Variants in C2CD5 observed in about 807,000 individuals in gnomAD.
C2CD5 encodes the protein C2 calcium dependent domain containing 5.
Under a neutral mutation model 130.3 loss-of-function variants are expected in C2CD5, and 109 were observed. The observed-to-expected ratio is 0.84, with a 90% CI of 0.72 to 0.98. C2CD5 has a LOEUF of 0.98. Among genes scored for constraint, C2CD5 ranks in the 50% least tolerant of loss-of-function variants. The pLI is 0.00. For synonymous variants in C2CD5, 454 were observed against 429.2 expected, an observed-to-expected ratio of 1.06 and a Z score of -0.71; for missense variants, 996 against 1,261.8, an observed-to-expected ratio of 0.79 and a Z score of 3.19.
At chr12:22,543,705 C>A (rs1000572812) in intron 2 of C2CD5, among the ~76,000 whole-genome samples, 1 of 142,064 alleles carries the variant, frequency 7.0e-6, no homozygotes, top group African/African-American at 3.0e-5. Context: ...GTCATTCCGG[C>A]ATTTGTGTGT....
intron 25 of C2CD5, among the ~76,000 whole-genome samples, chr12:22,454,469 C>G (rs1452399403): frequency 6.6e-6 from 1 of 152,086 alleles, no homozygotes; most frequent in Non-Finnish European, 1.5e-5. Context: ...TGAACCTGAA[C>G]CATGTTCCAA....
intron 26 of C2CD5, 135 bp downstream of exon 26, chr12:22,453,761 C>T (rs1939211279): frequency 1.4e-6 from 1 of 715,422 alleles, no homozygotes; most frequent in Admixed American, 2.5e-5. Context: ...TATGAATAAA[C>T]TCATTAAAAT....
Position 22,449,906 on chromosome 12 carries a change from A to C in C2CD5, c.3025-15T>G, listed in dbSNP as rs987902116. The C allele has an allele frequency of 6.3e-7, 1 of 1,598,520 alleles. No homozygotes were observed. ...AGACACTGTGCCTATAAGAACAACA[A>C]ACAGGACAGGTTCAGTTATACTCAA... On this transcript the variant is annotated splice_polypyrimidine_tract_variant and intron_variant, in intron 26 of 26. Transcript: ENST00000446597.
intron 10 of C2CD5, among the ~76,000 whole-genome samples, chr12:22,497,194 C>T (rs67678068): frequency 0.16 from 24,467 of 151,916 alleles, 4,038 homozygotes; most frequent in African/African-American, 0.42. Flanking sequence ...TCTTTTAATA[C>T]GGTTAGAAGA....
intron 22 of C2CD5, among the ~76,000 whole-genome samples, chr12:22,468,940 C>A (rs1038674983): frequency 7.9e-5 from 12 of 151,976 alleles, no homozygotes; most frequent in African/African-American, 2.9e-4. Flanking sequence ...AGTTGAATAG[C>A]TCATTTCAAA....
chr12:22,496,750 G>T (rs1947071731), intron 10 of C2CD5, among the ~76,000 whole-genome samples: 1 of 150,370 alleles, frequency 6.7e-6, no homozygotes. Context: ...TTCTTCTGTG[G>T]GTCAAAACTC....
intron 22 of C2CD5, among the ~76,000 whole-genome samples, chr12:22,462,557 G>A (rs1210729659): frequency 6.6e-6 from 1 of 152,148 alleles, no homozygotes. Flanking sequence ...GTGTGGGAGG[G>A]AAACTAACCC....
chr12:22,467,826 C>T (rs2136130508), intron 22 of C2CD5, among the ~76,000 whole-genome samples: 1 of 152,254 alleles, frequency 6.6e-6, no homozygotes, highest in Non-Finnish European at 1.5e-5. Context: ...CATTTGGATA[C>T]CGTATAGTAA....
chr12:22,493,893 A>C (rs1217057309), intron 10 of C2CD5, among the ~76,000 whole-genome samples: 1 of 151,878 alleles, frequency 6.6e-6, no homozygotes, highest in Non-Finnish European at 1.5e-5. Flanking sequence ...ATTAGAGACT[A>C]ATTTAAAAAA....
intron 25 of C2CD5, among the ~76,000 whole-genome samples, chr12:22,456,223 T>C (rs1162708528): frequency 2.0e-5 from 3 of 152,140 alleles, no homozygotes; most frequent in Admixed American, 6.5e-5. Context: ...TTTTTAAAAA[T>C]ACAAACTGCA....
chr12:22,517,501 A>C (rs1398145921), intron 8 of C2CD5, among the ~76,000 whole-genome samples: 2 of 152,080 alleles, frequency 1.3e-5, no homozygotes, highest in Non-Finnish European at 2.9e-5. Flanking sequence ...AAGACTAGTA[A>C]AACCAAACAT....
intron 10 of C2CD5, among the ~76,000 whole-genome samples, chr12:22,500,662 C>T (rs1012335451): frequency 5.3e-5 from 8 of 152,092 alleles, no homozygotes; most frequent in African/African-American, 1.2e-4. Flanking sequence ...TAGCAAATTG[C>T]GTGGCACAAA....
chr12:22,505,629 T>C (rs1266968538), intron 10 of C2CD5, among the ~76,000 whole-genome samples: 1 of 152,150 alleles, frequency 6.6e-6, no homozygotes, highest in East Asian at 1.9e-4. Context: ...CAATGAGAGA[T>C]GCAAGAACAC....
chr12:22,530,879 T>G (rs775589537), intron 3 of C2CD5, among the ~76,000 whole-genome samples: 11 of 152,292 alleles, frequency 7.2e-5, no homozygotes, highest in South Asian at 2.1e-4. Flanking sequence ...AAATACCAGT[T>G]TATTACCATC....
chr12:22,457,245 C>CTG, intron 24 of C2CD5, 84 bp from the exon 25 acceptor site: 1 of 867,508 alleles, frequency 1.2e-6, no homozygotes, highest in Non-Finnish European at 1.7e-6. Flanking sequence ...TAAGTGGTGA[C>CTG]AACATTCAGC....
intron 8 of C2CD5, among the ~76,000 whole-genome samples, chr12:22,513,623 A>G (rs149733764): frequency 1.3e-5 from 2 of 152,290 alleles, no homozygotes; most frequent in East Asian, 1.9e-4. Flanking sequence ...TCAGAAAATT[A>G]TAAGAAAAAG....
chr12:22,539,992 CAA>C (rs59902224), intron 2 of C2CD5, among the ~76,000 whole-genome samples: 46 of 90,758 alleles, frequency 5.1e-4, no homozygotes, highest in African/African-American at 6.6e-4. Context: ...AGCTCCGTCT[CAA>C]AAAAAAAAAA....
chr12:22,469,621 A>C (rs1308216697), intron 22 of C2CD5, 88 bp downstream of exon 22: 4 of 679,072 alleles, frequency 5.9e-6, no homozygotes, highest in Non-Finnish European at 9.6e-6. Context: ...TTTTCACCTC[A>C]AGGTTAGTAA....
intron 19 of C2CD5, among the ~76,000 whole-genome samples, 179 bp downstream of exon 19, chr12:22,471,788 G>A (rs1386357476): frequency 6.6e-6 from 1 of 151,916 alleles, no homozygotes; most frequent in Non-Finnish European, 1.5e-5. Flanking sequence ...TTTATAATTT[G>A]ATATAGTAAG....
Sources: allele counts gnomAD v4.1 joint callset (sites outside exome capture counted in the v4.1 genomes callset), GRCh38; gene constraint gnomAD v4.1.1; transcripts MANE v1.5; gene names NCBI Gene and HGNC (gene_info 2026-07-23, HGNC 2026-07-21).